Variants in CD1D observed in about 807,000 individuals in gnomAD.
The protein encoded by CD1D is CD1d molecule.
CD1D carries 40 observed loss-of-function variants against 42.1 expected under a neutral mutation model. The ratio of observed to expected loss-of-function variants is 0.95; its 90% CI spans 0.74 to 1.24. The LOEUF (loss-of-function observed/expected upper bound fraction) is 1.24. Ranked by LOEUF, CD1D falls within the 50% of genes most tolerant of loss-of-function variation. The probability of loss-of-function intolerance (pLI) is 0.00; values close to 1 mark genes in which losing one functional copy is unlikely to be tolerated. For missense variants in CD1D, 437 were observed against 416.5 expected (o/e 1.05, Z -0.43); for synonymous variants, 178 against 171.8 (o/e 1.04, Z -0.28).
Position 158,184,149 on chromosome 1 carries a change from G to T in CD1D, c.1007G>T (p.Ter336LeuextTer32). ...CACAGTTCCTATCAGGGCGTCCTGT[G>T]ACTCGCCTTGCCACATCTGTGTCTC... ...KRQTSYQGVL* is the reference protein window; with the variant it reads ...KRQTSYQGVLL Residue 336 changes from the stop codon to leucine (L), a stop_lost, in exon 6 of 6, where the codon TGA (stop) becomes TTA (leucine). Transcript: ENST00000674085. The T allele has an allele frequency of 6.2e-7, 1 of 1,614,042 alleles. No homozygotes were observed. Among genetic ancestry groups the T allele is most frequent in the Non-Finnish European group, 8.5e-7 (1 of 1,180,032 alleles).
At chr1:158,181,224 G>T in intron 1 of CD1D, 62 bp downstream of exon 1, 1 of 1,523,426 alleles carries the variant, frequency 6.6e-7, no homozygotes, top group Non-Finnish European at 8.9e-7. Flanking sequence ...AGCTGGGTAG[G>T]GACGGGGAGG....
upstream of CD1D, among the ~76,000 whole-genome samples, chr1:158,178,070 T>G (rs1291882557): frequency 6.6e-6 from 1 of 152,148 alleles, no homozygotes; most frequent in Non-Finnish European, 1.5e-5. Flanking sequence ...GTCCGAGAGG[T>G]AAGAGAGCTA....
rs1648687910 is a variant in CD1D, at chr1:158,185,973, TC to T, written c.*1824del. 6.6e-6 allele frequency among the ~76,000 whole-genome samples: 1 copy of T among 152,126 alleles called. No individual in the cohort carries two copies. The highest frequency in any genetic ancestry group is 2.4e-5 in the African/African-American group (1 of 41,414). ...GAAAAGGACATTGGCCTGGCGTTAG[TC>T]AGGGAAGGCGTCCTGGAGGGAGGGG... is the stretch of plus-strand genomic sequence containing the variant. On this transcript the variant is annotated 3_prime_UTR_variant, in exon 6 of 6. Coordinates refer to ENST00000674085, the MANE Select transcript of CD1D (RefSeq NM_001371762.2).
chr1:158,182,122 A>T lies in CD1D; in HGVS notation c.419A>T (p.Asp140Val). ...NFFHVAFQGKDILSFQGTSWE... is the reference protein window; with the variant it reads ...NFFHVAFQGKVILSFQGTSWE... ...TTCCATGTAGCATTTCAAGGAAAAG[A>T]TATCCTGAGTTTCCAAGGAACTTCT... Residue 140 changes from aspartate to valine, a missense_variant, in exon 3 of 6, where the codon GAT becomes GTT. Transcript: ENST00000674085. 2 of 1,614,198 alleles carry T rather than the reference A, an allele frequency of 1.2e-6. No individual in the cohort carries two copies. Among genetic ancestry groups the T allele is most frequent in the Non-Finnish European group, 1.7e-6 (2 of 1,180,042 alleles).
chr1:158,181,648 G>A lies in CD1D; in HGVS notation c.255G>A (p.Gln85=), dbSNP rs760499337. 1 of 1,613,890 alleles carries A rather than the reference G, an allele frequency of 6.2e-7. No homozygotes were observed. Among genetic ancestry groups the A allele is most frequent in the Non-Finnish European group, 8.5e-7 (1 of 1,180,042 alleles). The change falls in exon 2 of 6, where the codon CAG becomes CAA. Residue 85 remains glutamine (Q), a synonymous_variant. Coordinates refer to ENST00000674085, the MANE Select transcript of CD1D (RefSeq NM_001371762.2). The part of the protein sequence containing the change: ...TFSDQQWETL[Q]HIFRVYRSSF... ...GCGACCAGCAGTGGGAGACGCTGCA[G>A]CATATATTTCGGGTTTATCGAAGCA...
chr1:158,181,215 G>T (rs1203849228), intron 1 of CD1D, 53 bp downstream of exon 1: 23 of 1,539,684 alleles, frequency 1.5e-5, no homozygotes, highest in Non-Finnish European at 2.0e-5. Context: ...GAGAGAGGGA[G>T]CTGGGTAGGG....
Position 158,181,545 on chromosome 1 carries a change from G to A in CD1D, c.152G>A (p.Gly51Glu), listed in dbSNP as rs1298885559. The change falls in exon 2 of 6, where the codon GGG becomes GAG. Residue 51 changes from glycine to glutamate, a missense_variant. Physicochemically the swap from Gly to Glu is moderately conservative, Grantham distance 98. Transcript: ENST00000674085. ...WTRTDGLAWLGELQTHSWSND... is the reference protein window; with the variant it reads ...WTRTDGLAWLEELQTHSWSND... ...CGCACCGACGGCTTGGCGTGGCTGG[G>A]GGAGCTGCAGACGCACAGCTGGAGC... 3 of 1,614,176 alleles carry A rather than the reference G, an allele frequency of 1.9e-6. No individual in the cohort carries two copies. Among genetic ancestry groups the A allele is most frequent in the Middle Eastern group, 1.6e-4 (1 of 6,062 alleles).
chr1:158,182,166 G>A lies in CD1D; in HGVS notation c.463G>A (p.Ala155Thr), dbSNP rs1439861535. The change falls in exon 3 of 6, where the codon GCC becomes ACC. Residue 155 changes from alanine to threonine, a missense_variant. Coordinates refer to ENST00000674085, the MANE Select transcript of CD1D (RefSeq NM_001371762.2). ...QGTSWEPTQE[A>T]PLWVNLAIQV... Reference sequence around the variant, plus strand: ...AACTTCTTGGGAGCCAACCCAAGAGGCCCCACTTTGGGTAAACTTGGCCAT... The same window carrying A: ...AACTTCTTGGGAGCCAACCCAAGAGACCCCACTTTGGGTAAACTTGGCCAT... 3 of 1,614,148 alleles carry A rather than the reference G, an allele frequency of 1.9e-6. No individual in the cohort carries two copies. Among genetic ancestry groups the A allele is most frequent in the Middle Eastern group, 1.6e-4 (1 of 6,062 alleles).
Position 158,181,446 on chromosome 1 carries a change from C to G in CD1D, c.62-9C>G. On this transcript the variant is annotated splice_polypyrimidine_tract_variant and intron_variant, in intron 1 of 5. Coordinates refer to ENST00000674085, the MANE Select transcript of CD1D (RefSeq NM_001371762.2). ...TTGCTACACGCCTCCAATCTTCATT[C>G]TCTCCCAGTCCCGCAAAGGCTTTTC... The G allele has an allele frequency of 1.9e-6, 3 of 1,612,554 alleles. No homozygotes were observed. Among genetic ancestry groups the G allele is most frequent in the Non-Finnish European group, 2.5e-6 (3 of 1,178,806 alleles).
intron 3 of CD1D, 121 bp from the exon 4 acceptor site, chr1:158,182,757 C>T (rs1030967139): frequency 8.6e-7 from 1 of 1,156,664 alleles, no homozygotes. Flanking sequence ...GTGAACATGT[C>T]AGGGGCATAC....
At chr1:158,182,823 C>T (rs1648510210) in intron 3 of CD1D, 55 bp from the exon 4 acceptor site, 1 of 1,532,622 alleles carries the variant, frequency 6.5e-7, no homozygotes. Flanking sequence ...AGGCCTGGAG[C>T]CTCTAATGCA....
Position 158,183,097 on chromosome 1 carries a change from G to A in CD1D, c.827G>A (p.Gly276Asp). Residue 276 changes from glycine (G) to aspartate (D), a missense_variant, in exon 4 of 6, where the codon GGC becomes GAC. Physicochemically the swap from Gly to Asp is moderately conservative, Grantham distance 94. Coordinates refer to ENST00000674085, the MANE Select transcript of CD1D (RefSeq NM_001371762.2). ...GATGTGGTGGCTGGGGAGGCAGCTG[G>A]CCTGTCCTGTCGGGTGAAGCACAGC... ...TLDVVAGEAA[G>D]LSCRVKHSSL... 6.2e-7 allele frequency: 1 copy of A among 1,614,092 alleles called. No homozygotes were observed. Among genetic ancestry groups the A allele is most frequent in the East Asian group, 2.2e-5 (1 of 44,868 alleles).
chr1:158,183,875 G>A (rs187876729), intron 4 of CD1D, 61 bp from the exon 5 acceptor site: 2 of 1,297,958 alleles, frequency 1.5e-6, no homozygotes, highest in East Asian at 4.6e-5. Context: ...TAGACCAGGG[G>A]ATTGGATATA....
Position 158,184,287 on chromosome 1 carries a change from C to T in CD1D, c.*137C>T. The T allele has an allele frequency of 2.4e-6, 2 of 832,868 alleles. No homozygotes were observed. Among genetic ancestry groups the T allele is most frequent in the Non-Finnish European group, 3.9e-6 (2 of 509,158 alleles). 51.6% of individuals were successfully genotyped at this position (832,868 alleles called of 1,614,324 possible). A position where few individuals can be genotyped will look rare whatever the true frequency, so the allele number is the denominator to read the frequency against. Reference sequence around the variant, plus strand: ...AGAGATACCTTGAAAAAGTAGAGAACAGTCATGAGGCAGCTTTCATCACAC... The same window carrying T: ...AGAGATACCTTGAAAAAGTAGAGAATAGTCATGAGGCAGCTTTCATCACAC... On this transcript the variant is annotated 3_prime_UTR_variant, in exon 6 of 6. Transcript: ENST00000674085.
chr1:158,179,524 G>C (rs1283762939), upstream of CD1D, among the ~76,000 whole-genome samples: 1 of 152,198 alleles, frequency 6.6e-6, no homozygotes, highest in African/African-American at 2.4e-5. Flanking sequence ...AGGACACAGA[G>C]GGAGACAGAC....
chr1:158,181,253 T>A, intron 1 of CD1D, 91 bp downstream of exon 1: 1 of 1,477,232 alleles, frequency 6.8e-7, no homozygotes, highest in South Asian at 1.2e-5. Flanking sequence ...TGATGGGGAC[T>A]GGTGAGACCC....
At chr1:158,183,395 C>T (rs1648550722) in intron 4 of CD1D, among the ~76,000 whole-genome samples, 1 of 152,154 alleles carries the variant, frequency 6.6e-6, no homozygotes, top group Non-Finnish European at 1.5e-5. Context: ...GACTACAAAA[C>T]TCAGGGATCC....
chr1:158,182,824 C>T, intron 3 of CD1D, 54 bp from the exon 4 acceptor site: 2 of 1,542,218 alleles, frequency 1.3e-6, no homozygotes, highest in Non-Finnish European at 1.8e-6. Context: ...GGCCTGGAGC[C>T]TCTAATGCAG....
At position 158,184,378 on chromosome 1, in the gene CD1D, C is replaced by T; in HGVS notation, c.*228C>T. The stretch of plus-strand genomic sequence containing the variant: ...AAAATTACACTACAAGTTTATAAGC[C>T]CAAATGGCTCTGTGAAATCAGAAGT... On this transcript the variant is annotated 3_prime_UTR_variant, in exon 6 of 6. Transcript: ENST00000674085. 1 of 585,444 alleles carries T rather than the reference C, an allele frequency of 1.7e-6. No homozygotes were observed. Among genetic ancestry groups the T allele is most frequent in the Non-Finnish European group, 3.0e-6 (1 of 331,092 alleles). 36.3% of individuals were successfully genotyped at this position (585,444 alleles called of 1,614,324 possible). A position where few individuals can be genotyped will look rare whatever the true frequency, so the allele number is the denominator to read the frequency against.
Sources: allele counts gnomAD v4.1 joint callset (sites outside exome capture counted in the v4.1 genomes callset), GRCh38; gene constraint gnomAD v4.1.1; transcripts MANE v1.5; gene names NCBI Gene and HGNC (gene_info 2026-07-23, HGNC 2026-07-21).